The following SH3RF3 variants were observed in gnomAD, a reference collection of about 807,000 sequenced individuals.
The protein encoded by SH3RF3 is E3 ubiquitin-protein ligase SH3RF3.
Under a neutral mutation model 66.3 loss-of-function variants are expected in SH3RF3, and 29 were observed. The observed-to-expected ratio is 0.44, with a 90% CI of 0.33 to 0.60. The LOEUF (loss-of-function observed/expected upper bound fraction) is 0.60. Ranked by LOEUF, SH3RF3 falls within the 20% of genes least tolerant of loss-of-function variation. The pLI is 0.04. For missense variants in SH3RF3, 1,194 were observed against 1,190.9 expected (o/e 1.00, Z -0.04); for synonymous variants, 583 against 532.0 (o/e 1.10, Z -1.32).
rs1456025310 is a variant in SH3RF3, at chr2:109,251,616, TATC to T, written c.574-96052_574-96050del. On this transcript the variant is annotated intron_variant, in intron 1 of 9. Coordinates refer to ENST00000309415, the MANE Select transcript of SH3RF3 (RefSeq NM_001099289.3). ...TTGGAATGGTGGTAATAGGAAATAGTATCATCATGTTAGAAGCCTTGGAACGAG... is the reference window on the plus strand; with the variant it reads ...TTGGAATGGTGGTAATAGGAAATAGTATCATGTTAGAAGCCTTGGAACGAG... 1.5e-5 allele frequency: 19 copies of T among 1,283,830 alleles called. No homozygotes were observed. In the African/African-American group the frequency reaches 2.2e-4, roughly 15 times the overall value. 79.5% of individuals were successfully genotyped at this position (1,283,830 alleles called of 1,614,324 possible). A position where few individuals can be genotyped will look rare whatever the true frequency, so the allele number is the denominator to read the frequency against.
chr2:109,274,230 T>C (rs1268290779), intron 1 of SH3RF3, among the ~76,000 whole-genome samples: 2 of 152,230 alleles, frequency 1.3e-5, no homozygotes, highest in Non-Finnish European at 2.9e-5. Context: ...GATTTCAAGT[T>C]CATTGGTCCT....
At chr2:109,288,992 A>T (rs2105361371) in intron 1 of SH3RF3, among the ~76,000 whole-genome samples, 1 of 152,332 alleles carries the variant, frequency 6.6e-6, no homozygotes, top group Admixed American at 6.5e-5. Context: ...ATAAAAAATC[A>T]TTCTGGCTGG....
chr2:109,166,908 A>T (rs1352746794), intron 1 of SH3RF3, among the ~76,000 whole-genome samples: 4 of 152,240 alleles, frequency 2.6e-5, no homozygotes. Context: ...AAAACATGCC[A>T]TTACTGTGTT....
At position 109,416,763 on chromosome 2, in the gene SH3RF3, G is replaced by A. The variant is rs186755263; in HGVS notation, c.1300-2776G>A. Among the ~76,000 whole-genome samples, 176 of 152,052 alleles carry A rather than the reference G, an allele frequency of 1.2e-3. 1 individual carries two copies. Among genetic ancestry groups the A allele is most frequent in the African/African-American group, 4.2e-3 (173 of 41,502 alleles). On this transcript the variant is annotated intron_variant, in intron 4 of 9. Transcript: ENST00000309415. ...AACAACAACGAACAAAATATTAGCC[G>A]GGGGTGGTATTGTGCAACTGTAATC...
chr2:109,370,820 C>T (rs1446220328), intron 2 of SH3RF3, among the ~76,000 whole-genome samples: 1 of 152,194 alleles, frequency 6.6e-6, no homozygotes, highest in Non-Finnish European at 1.5e-5. Flanking sequence ...TGCATTTATA[C>T]TTGGTATTGT....
intron 1 of SH3RF3, among the ~76,000 whole-genome samples, chr2:109,237,222 C>T (rs1242039066): frequency 6.6e-6 from 1 of 152,060 alleles, no homozygotes; most frequent in Non-Finnish European, 1.5e-5. Context: ...AACCAGACCA[C>T]CAGCAAAGAA....
intron 1 of SH3RF3, among the ~76,000 whole-genome samples, chr2:109,268,065 C>G: frequency 6.6e-6 from 1 of 151,872 alleles, no homozygotes; most frequent in East Asian, 2.0e-4. Context: ...CAGACTGTCC[C>G]CTAATCCCAC....
chr2:109,318,907 C>A (rs1164201360), intron 1 of SH3RF3, among the ~76,000 whole-genome samples: 5 of 152,234 alleles, frequency 3.3e-5, no homozygotes, highest in African/African-American at 1.2e-4. Flanking sequence ...GGTAGGTGAG[C>A]CAAGTGAATT....
chr2:109,405,061 C>G (rs1427071083), intron 4 of SH3RF3, among the ~76,000 whole-genome samples: 1 of 151,306 alleles, frequency 6.6e-6, no homozygotes, highest in Admixed American at 6.6e-5. Context: ...ACAAATACCC[C>G]CCACCTTCTC....
chr2:109,223,610 A>G (rs17035192), intron 1 of SH3RF3, among the ~76,000 whole-genome samples: 4,814 of 152,056 alleles, frequency 0.032, 224 homozygotes, highest in African/African-American at 0.1. Flanking sequence ...AGCACCATGC[A>G]GACAACTGGA....
At chr2:109,289,858 T>C (rs200459935) in intron 1 of SH3RF3, among the ~76,000 whole-genome samples, 1 of 152,200 alleles carries the variant, frequency 6.6e-6, no homozygotes, top group Non-Finnish European at 1.5e-5. Flanking sequence ...TTTCCTCATA[T>C]TGTGTATCGC....
intron 4 of SH3RF3, among the ~76,000 whole-genome samples, chr2:109,406,893 G>T (rs1311660584): frequency 6.6e-6 from 1 of 152,190 alleles, no homozygotes; most frequent in African/African-American, 2.4e-5. Context: ...TGGGCACATG[G>T]AGTCCAGCGG....
rs5833320 is a variant in SH3RF3, at chr2:109,189,367, C to CTTT, written c.573+59266_573+59268dup. On this transcript the variant is annotated intron_variant, in intron 1 of 9. Coordinates refer to ENST00000309415, the MANE Select transcript of SH3RF3 (RefSeq NM_001099289.3). ...GGAACTTACGTGTTCAGTCGTTTGA[C>CTTT]TTTTTTTTTTTTTTCTTTTTTTTGA... is the stretch of plus-strand genomic sequence containing the variant. 7.4e-5 allele frequency among the ~76,000 whole-genome samples: 11 copies of CTTT among 147,964 alleles called. 1 individual carries two copies. The highest frequency in any genetic ancestry group is 1.3e-4 in the Admixed American group (2 of 14,950).
intron 1 of SH3RF3, among the ~76,000 whole-genome samples, chr2:109,322,951 C>T (rs1249336427): frequency 3.3e-5 from 5 of 152,166 alleles, no homozygotes; most frequent in African/African-American, 1.2e-4. Context: ...TGAGAGTGGG[C>T]AGGCAATATA....
chr2:109,498,511 C>T (rs1485331286), intron 9 of SH3RF3, among the ~76,000 whole-genome samples: 1 of 152,222 alleles, frequency 6.6e-6, no homozygotes, highest in Admixed American at 6.5e-5. Context: ...CTTCTGCGCC[C>T]CAGGCTCTGT....
At chr2:109,168,935 C>G (rs980350255) in intron 1 of SH3RF3, among the ~76,000 whole-genome samples, 2 of 152,228 alleles carry the variant, frequency 1.3e-5, no homozygotes, top group African/African-American at 4.8e-5. Flanking sequence ...CTGATTTCAT[C>G]ATCTTCTCGA....
At chr2:109,214,994 G>T (rs1167818835) in intron 1 of SH3RF3, among the ~76,000 whole-genome samples, 1 of 152,242 alleles carries the variant, frequency 6.6e-6, no homozygotes, top group African/African-American at 2.4e-5. Context: ...CTTGGTGGAG[G>T]CAGAGTAAGA....
chr2:109,349,224 T>G (rs765972723), intron 2 of SH3RF3, among the ~76,000 whole-genome samples: 25 of 152,186 alleles, frequency 1.6e-4, no homozygotes, highest in Non-Finnish European at 1.0e-4. Flanking sequence ...TTGAGCAAAA[T>G]TGGCATGTCC....
At chr2:109,159,432 G>A (rs1677431899) in intron 1 of SH3RF3, among the ~76,000 whole-genome samples, 1 of 152,242 alleles carries the variant, frequency 6.6e-6, no homozygotes, top group Admixed American at 6.5e-5. Context: ...CTGTAACGGA[G>A]GCCTCCTGCA....
Sources: allele counts gnomAD v4.1 joint callset (sites outside exome capture counted in the v4.1 genomes callset), GRCh38; gene constraint gnomAD v4.1.1; transcripts MANE v1.5; gene names NCBI Gene and HGNC (gene_info 2026-07-23, HGNC 2026-07-21).